Variants in KIAA1217 observed in about 807,000 individuals in gnomAD.
KIAA1217 encodes the protein KIAA1217.
KIAA1217 carries 88 observed loss-of-function variants against 163.9 expected under a neutral mutation model. The observed-to-expected ratio is 0.54, with a 90% CI of 0.45 to 0.64. KIAA1217 has a LOEUF of 0.64. Ranked by LOEUF, KIAA1217 falls within the 30% of genes least tolerant of loss-of-function variation. The pLI, the probability that KIAA1217 is intolerant of heterozygous loss-of-function variation, is 0.00. For synonymous variants in KIAA1217, 903 were observed against 923.1 expected, an observed-to-expected ratio of 0.98 and a Z score of 0.39; for missense variants, 2,372 against 2,475.0, an observed-to-expected ratio of 0.96 and a Z score of 0.88.
At chr10:24,330,068 G>A (rs2045461520) in intron 2 of KIAA1217, among the ~76,000 whole-genome samples, 1 of 152,154 alleles carries the variant, frequency 6.6e-6, no homozygotes, top group African/African-American at 2.4e-5. Flanking sequence ...GGGAGGCCGA[G>A]GCAGGTTGAT....
chr10:23,701,349 T>G (rs539165900), intron 1 of KIAA1217, among the ~76,000 whole-genome samples: 1 of 152,344 alleles, frequency 6.6e-6, no homozygotes, highest in South Asian at 2.1e-4. Context: ...TGAAATACTT[T>G]CTGTCTTAGG....
At chr10:24,032,796 A>G (rs1364234589) in intron 2 of KIAA1217, among the ~76,000 whole-genome samples, 5 of 152,166 alleles carry the variant, frequency 3.3e-5, no homozygotes, top group African/African-American at 1.2e-4. Flanking sequence ...TACGTTCAAT[A>G]ATATCTCTGG....
At chr10:24,346,196 G>C (rs1004389510) in intron 2 of KIAA1217, among the ~76,000 whole-genome samples, 1 of 152,150 alleles carries the variant, frequency 6.6e-6, no homozygotes, top group African/African-American at 2.4e-5. Flanking sequence ...GGGCACCGTG[G>C]CTCACACCTG....
intron 2 of KIAA1217, among the ~76,000 whole-genome samples, chr10:24,175,412 A>G (rs1003506956): frequency 6.6e-6 from 1 of 151,132 alleles, no homozygotes; most frequent in Admixed American, 6.6e-5. Context: ...ACTCCTTTTT[A>G]TGGCTGAATG....
At position 24,543,137 on chromosome 10, in the gene KIAA1217, G is replaced by C. The variant is rs756653029; in HGVS notation, c.3867G>C (p.Leu1289=). ...EINKGSKISG[L]QYSIPDTENQ... is the part of the protein sequence containing the mutation. ...ACAAAGGGTCTAAAATCTCAGGCCT[G>C]CAATACTCTATACCTGACACCGAGA... is the stretch of plus-strand genomic sequence containing the variant. Residue 1289 remains leucine, a synonymous_variant, in exon 19 of 21, where the codon CTG becomes CTC. Transcript: ENST00000376454. The C allele has an allele frequency of 1.2e-6, 2 of 1,613,014 alleles. No individual in the cohort carries two copies. Among genetic ancestry groups the C allele is most frequent in the Non-Finnish European group, 1.7e-6 (2 of 1,179,890 alleles).
At chr10:24,202,692 GC>G (rs1458737371) in intron 2 of KIAA1217, among the ~76,000 whole-genome samples, 3 of 152,134 alleles carry the variant, frequency 2.0e-5, no homozygotes, top group Non-Finnish European at 4.4e-5. Flanking sequence ...CCTCCTGGAA[GC>G]CCTGCCCCCC....
intron 6 of KIAA1217, among the ~76,000 whole-genome samples, chr10:24,478,918 C>G (rs2064335398): frequency 6.6e-6 from 1 of 152,130 alleles, no homozygotes; most frequent in Admixed American, 6.6e-5. Context: ...GACTACCTTG[C>G]CTTCGAAATA....
chr10:24,183,371 A>G (rs1300742151), intron 2 of KIAA1217, among the ~76,000 whole-genome samples: 2 of 152,228 alleles, frequency 1.3e-5, no homozygotes, highest in East Asian at 3.8e-4. Context: ...GGAAAGCTAC[A>G]GATTCTCCTT....
At chr10:23,910,028 G>C (rs1054152737) in intron 1 of KIAA1217, among the ~76,000 whole-genome samples, 2 of 152,002 alleles carry the variant, frequency 1.3e-5, no homozygotes, top group African/African-American at 4.8e-5. Context: ...GTTTTGATTT[G>C]CGTTTCTCTA....
intron 1 of KIAA1217, among the ~76,000 whole-genome samples, chr10:23,874,390 G>C (rs1193709068): frequency 6.6e-6 from 1 of 151,970 alleles, no homozygotes; most frequent in Non-Finnish European, 1.5e-5. Context: ...ACAAGTTCAA[G>C]TGACCAGAAT....
intron 13 of KIAA1217, among the ~76,000 whole-genome samples, chr10:24,525,550 T>G (rs576272853): frequency 1.8e-4 from 28 of 152,300 alleles, no homozygotes; most frequent in African/African-American, 6.3e-4. Flanking sequence ...AATGGCATCT[T>G]CTGGAAATTA....
chr10:24,082,852 A>T (rs1382410739), intron 2 of KIAA1217, among the ~76,000 whole-genome samples: 3 of 152,194 alleles, frequency 2.0e-5, no homozygotes, highest in Non-Finnish European at 1.5e-5. Context: ...ACTAATTTAC[A>T]TTCCCACCAA....
chr10:24,039,801 GAT>G (rs1776862254), intron 2 of KIAA1217, among the ~76,000 whole-genome samples: 1 of 4,164 alleles, frequency 2.4e-4, no homozygotes, highest in East Asian at 0.017. Flanking sequence ...GATATAGATA[GAT>G]ATAGATATAG....
intron 2 of KIAA1217, among the ~76,000 whole-genome samples, chr10:24,036,091 G>A (rs552786656): frequency 2.3e-4 from 35 of 152,334 alleles, no homozygotes; most frequent in African/African-American, 7.7e-4. Context: ...CAGCCCCAGG[G>A]AGGAGATCCC....
chr10:23,863,550 T>C (rs935887144), intron 1 of KIAA1217, among the ~76,000 whole-genome samples: 1 of 152,180 alleles, frequency 6.6e-6, no homozygotes, highest in Non-Finnish European at 1.5e-5. Flanking sequence ...TTCCTCCATG[T>C]GAGGAGGCGC....
Position 23,876,545 on chromosome 10 carries a change from G to A in KIAA1217, c.-320-130680G>A, listed in dbSNP as rs959590083. ...TGCACCTCCAGTTTTATATGGTACC[G>A]TAGTGGATATAAAGCATGATTTATG... is the stretch of plus-strand genomic sequence containing the variant. On this transcript the variant is annotated intron_variant, in intron 1 of 18. Coordinates refer to the KIAA1217 transcript ENST00000376462. Among the ~76,000 whole-genome samples the A allele has an allele frequency of 1.7e-4, 26 of 151,966 alleles. 1 individual carries two copies. The highest frequency in any genetic ancestry group is 7.2e-4 in the Admixed American group (11 of 15,244).
chr10:24,165,622 C>A (rs1454137185), intron 2 of KIAA1217, among the ~76,000 whole-genome samples: 1 of 152,176 alleles, frequency 6.6e-6, no homozygotes, highest in African/African-American at 2.4e-5. Context: ...AAGCTGGATA[C>A]AAAATTCGAG....
intron 2 of KIAA1217, among the ~76,000 whole-genome samples, chr10:24,203,639 G>A (rs976174942): frequency 5.9e-5 from 9 of 151,516 alleles, no homozygotes; most frequent in African/African-American, 2.2e-4. Context: ...AGCCAGGAGA[G>A]TCTCTTTCCC....
intron 2 of KIAA1217, among the ~76,000 whole-genome samples, chr10:24,077,688 T>G (rs546958806): frequency 6.6e-6 from 1 of 152,230 alleles, no homozygotes; most frequent in South Asian, 2.1e-4. Flanking sequence ...TTCCTCTGGA[T>G]GTATAACTGG....
Sources: allele counts gnomAD v4.1 joint callset (sites outside exome capture counted in the v4.1 genomes callset), GRCh38; gene constraint gnomAD v4.1.1; transcripts MANE v1.5; gene names NCBI Gene and HGNC (gene_info 2026-07-23, HGNC 2026-07-21).